STPG2: variants seen among roughly 807,000 people sequenced by gnomAD.
The protein encoded by STPG2 is sperm-tail PG-rich repeat-containing protein 2.
Under a neutral mutation model 54.2 loss-of-function variants are expected in STPG2, and 56 were observed. The ratio of observed to expected loss-of-function variants is 1.03; its 90% CI spans 0.83 to 1.29. The LOEUF (loss-of-function observed/expected upper bound fraction) is 1.29, where lower values mean the gene tolerates loss of function less well. Among genes scored for constraint, STPG2 ranks in the 50% most tolerant of loss-of-function variants. The probability of loss-of-function intolerance (pLI) is 0.00; values close to 1 mark genes in which losing one functional copy is unlikely to be tolerated. For synonymous variants in STPG2, 200 were observed against 181.8 expected, an observed-to-expected ratio of 1.10 and a Z score of -0.81; for missense variants, 596 against 544.9, an observed-to-expected ratio of 1.09 and a Z score of -0.93.
At chr4:97,969,608 C>T (rs773689724) in intron 7 of STPG2, among the ~76,000 whole-genome samples, 39 of 151,924 alleles carry the variant, frequency 2.6e-4, no homozygotes, top group Admixed American at 1.6e-3. Flanking sequence ...GGCCAGATCC[C>T]GCAATATTCA....
intron 9 of STPG2, among the ~76,000 whole-genome samples, chr4:97,808,903 T>A (rs1727653625): frequency 6.6e-6 from 1 of 151,990 alleles, no homozygotes; most frequent in African/African-American, 2.4e-5. Flanking sequence ...AAACTTCCTT[T>A]GCCAGGAAGT....
chr4:97,779,316 G>A (rs146915140), intron 9 of STPG2, among the ~76,000 whole-genome samples: 2,350 of 152,208 alleles, frequency 0.015, 55 homozygotes, highest in African/African-American at 0.051. Flanking sequence ...TCGATCAACT[G>A]GAAGAAAGGG....
intron 1 of STPG2, among the ~76,000 whole-genome samples, chr4:98,136,489 C>T (rs947768343): frequency 3.3e-5 from 5 of 151,576 alleles, no homozygotes; most frequent in African/African-American, 1.2e-4. Flanking sequence ...TTATTGAATA[C>T]TGTACTGAAA....
intron 5 of STPG2, among the ~76,000 whole-genome samples, chr4:97,984,565 T>A (rs1734773495): frequency 6.6e-6 from 1 of 152,216 alleles, no homozygotes; most frequent in Non-Finnish European, 1.5e-5. Context: ...TTCAGTGTAG[T>A]TAAGGGCATT....
intron 9 of STPG2, among the ~76,000 whole-genome samples, chr4:97,717,752 T>A (rs1441233282): frequency 6.6e-6 from 1 of 152,092 alleles, no homozygotes; most frequent in African/African-American, 2.4e-5. Flanking sequence ...TCTGTGTGAA[T>A]TACAGGAACC....
chr4:97,465,332 T>C (rs1183484187), intron 4 of STPG2, among the ~76,000 whole-genome samples: 1 of 152,170 alleles, frequency 6.6e-6, no homozygotes, highest in Non-Finnish European at 1.5e-5. Context: ...ATGAAGTCAT[T>C]ATTTTTCATT....
At chr4:97,827,994 T>TA (rs1166344784) in intron 9 of STPG2, among the ~76,000 whole-genome samples, 1 of 151,764 alleles carries the variant, frequency 6.6e-6, no homozygotes, top group African/African-American at 2.4e-5. Context: ...GACTTGGCTT[T>TA]AAAAAAAAGA....
intron 10 of STPG2, among the ~76,000 whole-genome samples, chr4:97,672,276 C>G (rs775832357): frequency 6.9e-6 from 1 of 145,752 alleles, no homozygotes; most frequent in Non-Finnish European, 1.5e-5. Context: ...TGGGTTCAAG[C>G]GATTCTCCTG....
intron 5 of STPG2, among the ~76,000 whole-genome samples, chr4:98,057,167 T>C (rs1046520930): frequency 3.3e-5 from 5 of 152,082 alleles, no homozygotes; most frequent in Non-Finnish European, 7.4e-5. Flanking sequence ...AATAACCACA[T>C]CACCTCTCCA....
chr4:97,648,656 T>G (rs1418708214), intron 10 of STPG2, among the ~76,000 whole-genome samples: 3 of 152,154 alleles, frequency 2.0e-5, no homozygotes, highest in Admixed American at 1.3e-4. Context: ...TAATTTATGT[T>G]TTCTGAGGTT....
chr4:97,984,184 A>G (rs1382164879), intron 5 of STPG2, among the ~76,000 whole-genome samples: 1 of 152,116 alleles, frequency 6.6e-6, no homozygotes, highest in Non-Finnish European at 1.5e-5. Flanking sequence ...TCTGAGACAG[A>G]GTCTCATTCC....
At chr4:97,775,790 CAG>C (rs565571342) in intron 9 of STPG2, among the ~76,000 whole-genome samples, 67 of 152,268 alleles carry the variant, frequency 4.4e-4, no homozygotes, top group Non-Finnish European at 4.7e-4. Flanking sequence ...ATTTTTAAAA[CAG>C]AGTCTTACTC....
chr4:97,499,330 G>A (rs112520125), intron 4 of STPG2, among the ~76,000 whole-genome samples: 3 of 151,922 alleles, frequency 2.0e-5, no homozygotes, highest in Non-Finnish European at 4.4e-5. Context: ...GGCATCACCC[G>A]TCCACAATTT....
chr4:98,042,927 A>C (rs994992065), intron 5 of STPG2, among the ~76,000 whole-genome samples: 8 of 151,898 alleles, frequency 5.3e-5, no homozygotes, highest in African/African-American at 1.9e-4. Flanking sequence ...AATTGTAAGA[A>C]GGGTATTGAA....
At chr4:97,740,078 T>C (rs1198837812) in intron 9 of STPG2, among the ~76,000 whole-genome samples, 1 of 152,112 alleles carries the variant, frequency 6.6e-6, no homozygotes, top group African/African-American at 2.4e-5. Context: ...TCAATAAATG[T>C]AATCCAGCAT....
chr4:97,566,924 C>G (rs1732467204), intron 10 of STPG2, among the ~76,000 whole-genome samples: 1 of 151,302 alleles, frequency 6.6e-6, no homozygotes, highest in Non-Finnish European at 1.5e-5. Context: ...GGAGATATAC[C>G]TAATGCTAAT....
chr4:97,840,964 A>G (rs375323740), intron 8 of STPG2, 32 bp from the exon 9 acceptor site: 2 of 1,604,470 alleles, frequency 1.2e-6, no homozygotes, highest in Non-Finnish European at 1.7e-6. Flanking sequence ...GAGCATAAAT[A>G]TATCTTATAC....
At chr4:97,561,693 AG>A in intron 10 of STPG2, among the ~76,000 whole-genome samples, 1 of 152,382 alleles carries the variant, frequency 6.6e-6, no homozygotes, top group East Asian at 1.9e-4. Flanking sequence ...TTTATTAAAT[AG>A]GGAATCCTTT....
Position 97,771,038 on chromosome 4 carries a change from A to G in STPG2, c.1205-58224T>C, listed in dbSNP as rs186557952. Among the ~76,000 whole-genome samples, 1,177 of 152,346 alleles carry G rather than the reference A, an allele frequency of 7.7e-3. 52 individuals carry two copies. The highest frequency in any genetic ancestry group is 0.071 in the Admixed American group (1,085 of 15,300). ...ACATTTGGAATGGAAAGCTAATAGT[A>G]GTAGTGCTCTAAAGTTCAGCTTAAG... On this transcript the variant is annotated intron_variant, in intron 9 of 10. Transcript: ENST00000295268.
Sources: allele counts gnomAD v4.1 joint callset (sites outside exome capture counted in the v4.1 genomes callset), GRCh38; gene constraint gnomAD v4.1.1; transcripts MANE v1.5; gene names NCBI Gene and HGNC (gene_info 2026-07-23, HGNC 2026-07-21).